The following C5AR2 variants were observed in gnomAD, a reference collection of about 807,000 sequenced individuals.
The protein encoded by C5AR2 is C5a anaphylatoxin chemotactic receptor 2.
For synonymous variants in C5AR2, 224 were observed against 216.5 expected, an observed-to-expected ratio of 1.03 and a Z score of -0.30; for missense variants, 458 against 467.5, an observed-to-expected ratio of 0.98 and a Z score of 0.19.
chr19:47,341,354 G>A lies in C5AR2; in HGVS notation c.555G>A (p.Gln185=), dbSNP rs1220104945. 1.2e-6 allele frequency: 2 copies of A among 1,612,286 alleles called. No individual in the cohort carries two copies. The highest frequency in any genetic ancestry group is 2.7e-5 in the African/African-American group (2 of 74,936). The change falls in exon 2 of 2, where the codon CAG becomes CAA. Residue 185 remains glutamine (Q), a synonymous_variant. Transcript: ENST00000595464. The surrounding 1 kb of genome is among the most constrained non-coding windows in gnomAD (Gnocchi z 4.6). ...LHQEHFPARL[Q]CVVDYGGSSS... ...AGGAGCACTTCCCAGCCCGGCTGCA[G>A]TGTGTGGTGGACTACGGCGGCTCCT...
chr19:47,340,941 G>A lies in C5AR2; in HGVS notation c.142G>A (p.Val48Met), dbSNP rs780389139. The A allele has an allele frequency of 6.2e-7, 1 of 1,612,074 alleles. No homozygotes were observed. Among genetic ancestry groups the A allele is most frequent in the African/African-American group, 1.3e-5 (1 of 74,938 alleles). Residue 48 changes from valine to methionine, a missense_variant, in exon 2 of 2, where the codon GTG becomes ATG. Transcript: ENST00000595464. ...PLPLYAAIFL[V>M]GVPGNAMVAW... ...CCCACTGTATGCCGCCATCTTCCTG[G>A]TGGGGGTGCCGGGCAATGCCATGGT...
chr19:47,338,174 G>A (rs368606445), intron 1 of C5AR2, among the ~76,000 whole-genome samples: 4 of 152,084 alleles, frequency 2.6e-5, no homozygotes, highest in African/African-American at 9.7e-5. Flanking sequence ...TACTCAGGGG[G>A]CAGAGGTGGG....
rs1305885230 is a variant in C5AR2, at chr19:47,340,948, T to A, written c.149T>A (p.Val50Glu). 5 of 1,611,602 alleles carry A rather than the reference T, an allele frequency of 3.1e-6. No homozygotes were observed. Among genetic ancestry groups the A allele is most frequent in the Non-Finnish European group, 4.2e-6 (5 of 1,179,892 alleles). ...PLYAAIFLVG[V>E]PGNAMVAWVA... Reference sequence around the variant, plus strand: ...TATGCCGCCATCTTCCTGGTGGGGGTGCCGGGCAATGCCATGGTGGCCTGG... The same window carrying A: ...TATGCCGCCATCTTCCTGGTGGGGGAGCCGGGCAATGCCATGGTGGCCTGG... Residue 50 changes from valine (V) to glutamate (E), a missense_variant, in exon 2 of 2, where the codon GTG becomes GAG. Physicochemically the swap from Val to Glu is moderately radical, Grantham distance 121 (BLOSUM62 -2). Transcript: ENST00000595464.
Position 47,340,780 on chromosome 19 carries a change from C to T in C5AR2, c.-15-5C>T, listed in dbSNP as rs772776460. On this transcript the variant is annotated splice_region_variant and splice_polypyrimidine_tract_variant and intron_variant, in intron 1 of 1. Transcript: ENST00000595464. Reference sequence around the variant, plus strand: ...GAGTTTTCATCGTCTTTCTCTCCTGCCCAGACACCAGGAGCCTGAATGGGG... The same window carrying T: ...GAGTTTTCATCGTCTTTCTCTCCTGTCCAGACACCAGGAGCCTGAATGGGG... 1.9e-6 allele frequency: 3 copies of T among 1,612,688 alleles called. No individual in the cohort carries two copies. Among genetic ancestry groups the T allele is most frequent in the Non-Finnish European group, 2.5e-6 (3 of 1,179,548 alleles).
chr19:47,340,098 G>T (rs1254917747), intron 1 of C5AR2, among the ~76,000 whole-genome samples: 1 of 151,744 alleles, frequency 6.6e-6, no homozygotes, highest in East Asian at 1.9e-4. Context: ...AGGATCACAG[G>T]CACGCATGAC....
chr19:47,334,753 C>G (rs144846146), intron 1 of C5AR2, among the ~76,000 whole-genome samples: 297 of 152,032 alleles, frequency 2.0e-3, no homozygotes, highest in African/African-American at 6.8e-3. Context: ...GGGTCTCACT[C>G]TGTTGTCCAG....
intron 1 of C5AR2, among the ~76,000 whole-genome samples, chr19:47,336,839 G>A (rs528708610): frequency 5.3e-4 from 80 of 152,024 alleles, no homozygotes; most frequent in African/African-American, 1.6e-3. Context: ...TTTACTCTAG[G>A]GATAAAAATA....
chr19:47,333,867 A>T (rs950770851), intron 1 of C5AR2, among the ~76,000 whole-genome samples: 1 of 152,204 alleles, frequency 6.6e-6, no homozygotes, highest in Non-Finnish European at 1.5e-5. Flanking sequence ...GGTGTGAGCC[A>T]CTGCGCCCGG....
chr19:47,336,501 CTTTCT>C (rs2059359132), intron 1 of C5AR2, among the ~76,000 whole-genome samples: 2 of 142,374 alleles, frequency 1.4e-5, no homozygotes, highest in Non-Finnish European at 3.1e-5. Context: ...TTCTTTCTTT[CTTTCT>C]TTCTTTTTCT....
chr19:47,333,957 A>G (rs2059348344), intron 1 of C5AR2, among the ~76,000 whole-genome samples: 2 of 152,198 alleles, frequency 1.3e-5, no homozygotes, highest in South Asian at 4.1e-4. Context: ...GGCGTGCACC[A>G]AGAGGCACAT....
intron 1 of C5AR2, 69 bp from the exon 2 acceptor site, chr19:47,340,716 G>A (rs1015105439): frequency 7.6e-6 from 11 of 1,450,974 alleles, no homozygotes; most frequent in Non-Finnish European, 1.1e-5. Flanking sequence ...CGGGCTGATG[G>A]ACACCCTAGA....
In C5AR2 at chr19:47,341,640, C is replaced by T. The variant is rs780645967; in HGVS notation, c.841C>T (p.Leu281Phe). The T allele has an allele frequency of 9.9e-6, 16 of 1,613,984 alleles. No homozygotes were observed. Among genetic ancestry groups the T allele is most frequent in the Non-Finnish European group, 1.4e-5 (16 of 1,180,022 alleles). ...RAEPLIVGLA[L>F]AHSCLNPMLF... Reference sequence around the variant, plus strand: ...TGAACCCCTCATCGTGGGCCTTGCCCTCGCTCACAGCTGCCTCAATCCCAT... The same window carrying T: ...TGAACCCCTCATCGTGGGCCTTGCCTTCGCTCACAGCTGCCTCAATCCCAT... The change falls in exon 2 of 2, where the codon CTC becomes TTC. Residue 281 changes from leucine to phenylalanine, a missense_variant. By Grantham distance (22) the Leu-to-Phe change is conservative. Coordinates refer to ENST00000595464, the MANE Select transcript of C5AR2 (RefSeq NM_001271749.2). The surrounding 1 kb of genome is among the most constrained non-coding windows in gnomAD (Gnocchi z 4.6).
At position 47,346,809 on chromosome 19, in the gene C5AR2, C is replaced by T. The variant is rs1183632460; in HGVS notation, c.*4996C>T. The T allele has an allele frequency of 6.6e-6, 1 of 152,204 alleles. No homozygotes were observed. Among genetic ancestry groups the T allele is most frequent in the Non-Finnish European group, 1.5e-5 (1 of 68,042 alleles). The allele number at this position is 152,204 out of a possible 1,614,324, so 9.4% of individuals were successfully genotyped here. A position where few individuals can be genotyped will look rare whatever the true frequency, so the allele number is the denominator to read the frequency against. ...CCTTGCCCCTGCTCACCTTTGAATTCTTTTCTGGGCAAAGCCAAGAACCCT... is the reference window on the plus strand; with the variant it reads ...CCTTGCCCCTGCTCACCTTTGAATTTTTTTCTGGGCAAAGCCAAGAACCCT... On this transcript the variant is annotated 3_prime_UTR_variant, in exon 2 of 2. Coordinates refer to ENST00000595464, the MANE Select transcript of C5AR2 (RefSeq NM_001271749.2).
chr19:47,344,955 T>C lies in C5AR2; in HGVS notation c.*3142T>C, dbSNP rs1297749067. 6.6e-6 allele frequency: 1 copy of C among 152,064 alleles called. No individual in the cohort carries two copies. Among genetic ancestry groups the C allele is most frequent in the Non-Finnish European group, 1.5e-5 (1 of 68,018 alleles). 9.4% of individuals were successfully genotyped at this position (152,064 alleles called of 1,614,324 possible). On this transcript the variant is annotated 3_prime_UTR_variant, in exon 2 of 2. Coordinates refer to ENST00000595464, the MANE Select transcript of C5AR2 (RefSeq NM_001271749.2). ...ACTTGGCTAATTTTTGTATTTTTAG[T>C]AGAGACAGGGTTTCACCATGTTGGC...
rs184581202 is a variant in C5AR2, at chr19:47,339,746, C to T, written c.-15-1039C>T. Among the ~76,000 whole-genome samples the T allele has an allele frequency of 1.2e-4, 18 of 152,194 alleles. No individual in the cohort carries two copies. In the East Asian group the frequency reaches 2.1e-3, roughly 18 times the overall value. On this transcript the variant is annotated intron_variant, in intron 1 of 1. Coordinates refer to ENST00000595464, the MANE Select transcript of C5AR2 (RefSeq NM_001271749.2). ...TCAGGGCCTTTGCACTGGCTGTTCT[C>T]GATGCCTGAAACACTCTTCCCCCAG...
At chr19:47,335,061 T>C (rs1372587375) in intron 1 of C5AR2, among the ~76,000 whole-genome samples, 4 of 7,776 alleles carry the variant, frequency 5.1e-4, no homozygotes, top group Admixed American at 2.6e-3. Context: ...ATTTTTTTTT[T>C]TTTTTAAATC....
chr19:47,341,585 C>T lies in C5AR2; in HGVS notation c.786C>T (p.Asn262=). ...TGGTGCTCACTGTGGCGGCCCCGAA[C>T]TCCGCACTCCTGGCCAGGGCCCTGC... ...LGLVLTVAAP[N]SALLARALRA... is the part of the protein sequence containing the mutation. Residue 262 remains asparagine (N), a synonymous_variant, in exon 2 of 2, where the codon AAC becomes AAT. Coordinates refer to ENST00000595464, the MANE Select transcript of C5AR2 (RefSeq NM_001271749.2). This position sits in a 1 kb window ranked among gnomAD's most constrained non-coding sequence, Gnocchi z 4.6. The T allele has an allele frequency of 6.2e-7, 1 of 1,613,808 alleles. No individual in the cohort carries two copies. Among genetic ancestry groups the T allele is most frequent in the Non-Finnish European group, 8.5e-7 (1 of 1,179,948 alleles).
rs1006128538 is a variant in C5AR2, at chr19:47,343,355, G to C, written c.*1542G>C. ...TGTATTGTTTTAAGTCACTATGTTT[G>C]GGGTGATTTGTTATAGCAGCCGTGG... On this transcript the variant is annotated 3_prime_UTR_variant, in exon 2 of 2. Coordinates refer to ENST00000595464, the MANE Select transcript of C5AR2 (RefSeq NM_001271749.2). 6.6e-6 allele frequency: 1 copy of C among 152,190 alleles called. No individual in the cohort carries two copies. The highest frequency in any genetic ancestry group is 2.4e-5 in the African/African-American group (1 of 41,440). 9.4% of individuals were successfully genotyped at this position (152,190 alleles called of 1,614,324 possible). A position where few individuals can be genotyped will look rare whatever the true frequency, so the allele number is the denominator to read the frequency against.
rs1273090602 is a variant in C5AR2, at chr19:47,342,124, G to A, written c.*311G>A. 1 of 272,894 alleles carries A rather than the reference G, an allele frequency of 3.7e-6. No homozygotes were observed. The highest frequency in any genetic ancestry group is 2.2e-5 in the African/African-American group (1 of 46,050). The allele number at this position is 272,894 out of a possible 1,614,324, so 16.9% of individuals were successfully genotyped here. ...AATTCCAGGGCTTTGGGAGGCTGAG[G>A]CAGGTAGATCACTTGAGGTCAGGAC... On this transcript the variant is annotated 3_prime_UTR_variant, in exon 2 of 2. Coordinates refer to ENST00000595464, the MANE Select transcript of C5AR2 (RefSeq NM_001271749.2).
Sources: gnomAD v4.1 joint callset for allele counts (sites outside exome capture counted in the v4.1 genomes callset) on GRCh38, gnomAD v4.1.1 for gene constraint, Gnocchi (gnomAD v3.1) non-coding constraint, MANE v1.5 for transcripts, NCBI Gene and HGNC (gene_info 2026-07-23, HGNC 2026-07-21) for gene names.